The following SYBU variants were observed in gnomAD, a reference collection of about 807,000 sequenced individuals.
SYBU encodes syntabulin, also known as GOLSYN A protein.
In SYBU, 21 loss-of-function variants were observed where a neutral mutation model predicts 35.9. That is an observed-to-expected ratio of 0.58 (90% CI 0.41 to 0.84). The LOEUF is 0.84. Ranked by LOEUF, SYBU falls within the 40% of genes least tolerant of loss-of-function variation. SYBU has a pLI of 0.00. For missense variants in SYBU, 768 were observed against 848.2 expected (o/e 0.91, Z 1.17); for synonymous variants, 319 against 324.3 (o/e 0.98, Z 0.18).
upstream of SYBU, among the ~76,000 whole-genome samples, chr8:109,683,987 A>G (rs761525413): frequency 6.6e-6 from 1 of 152,146 alleles, no homozygotes; most frequent in African/African-American, 2.4e-5. Flanking sequence ...GCCATGTGTA[A>G]CTGTGAGTCA....
chr8:109,623,976 A>G (rs748736544), intron 2 of SYBU, among the ~76,000 whole-genome samples: 8 of 152,214 alleles, frequency 5.3e-5, no homozygotes, highest in African/African-American at 1.7e-4. Flanking sequence ...CAAATTTTCA[A>G]CATATATTTT....
chr8:109,661,036 G>T (rs1202150666), intron 1 of SYBU, among the ~76,000 whole-genome samples: 1 of 152,170 alleles, frequency 6.6e-6, no homozygotes, highest in East Asian at 1.9e-4. Context: ...AAACTAAAAT[G>T]ATCAAAAAGA....
At chr8:109,616,051 A>ACCC (rs1406117151) in intron 3 of SYBU, among the ~76,000 whole-genome samples, 2 of 95,704 alleles carry the variant, frequency 2.1e-5, no homozygotes, top group Non-Finnish European at 3.6e-5. Flanking sequence ...TCGCTCTGTC[A>ACCC]CCCAGGCTGG....
At chr8:109,618,569 A>G (rs1447007239) in intron 3 of SYBU, among the ~76,000 whole-genome samples, 1 of 152,236 alleles carries the variant, frequency 6.6e-6, no homozygotes, top group Non-Finnish European at 1.5e-5. Context: ...TTGTTAAAAC[A>G]TCTGGCTTAT....
chr8:109,623,859 T>TAA (rs750033281), intron 2 of SYBU, among the ~76,000 whole-genome samples: 63 of 152,230 alleles, frequency 4.1e-4, no homozygotes, highest in South Asian at 1.0e-3. Flanking sequence ...CAGAAGAGTA[T>TAA]AAAGAAGTAA....
chr8:109,674,613 A>C (rs1314291342), intron 1 of SYBU, among the ~76,000 whole-genome samples: 2 of 152,170 alleles, frequency 1.3e-5, no homozygotes, highest in East Asian at 3.8e-4. Flanking sequence ...CACTGTGAAG[A>C]AACTGCATCA....
At chr8:109,607,853 C>CACACACACACAG (rs1374565606) in intron 3 of SYBU, 2 of 923,974 alleles carry the variant, frequency 2.2e-6, no homozygotes, top group East Asian at 5.3e-5. Context: ...CACACACACA[C>CACACACACACAG]AGTCTAGCCT....
chr8:109,608,083 G>T, intron 3 of SYBU: 2 of 765,852 alleles, frequency 2.6e-6, no homozygotes, highest in Non-Finnish European at 4.0e-6. Flanking sequence ...CATGTGCAGG[G>T]CAAGGAAGTT....
chr8:109,644,032 G>A (rs1189805646), intron 1 of SYBU: 1 of 453,576 alleles, frequency 2.2e-6, no homozygotes, highest in Non-Finnish European at 4.4e-6. Flanking sequence ...ATGACCTACT[G>A]TTCCTTCCAC....
chr8:109,677,386 A>T (rs1405751486), intron 1 of SYBU, among the ~76,000 whole-genome samples: 1 of 152,148 alleles, frequency 6.6e-6, no homozygotes, highest in Admixed American at 6.5e-5. Context: ...TAAACTTCAC[A>T]TTTTCTGCAT....
chr8:109,612,751 G>A (rs1038072199), intron 3 of SYBU, among the ~76,000 whole-genome samples: 8 of 152,126 alleles, frequency 5.3e-5, no homozygotes, highest in South Asian at 2.1e-4. Context: ...AGGCCAAGGC[G>A]GGCAGATCAC....
rs33965004 is a variant in SYBU, at chr8:109,622,181, GTATCTATCTATCTATCTATC to G, written c.230-3162_230-3143del. On this transcript the variant is annotated intron_variant, in intron 2 of 6. Transcript: ENST00000276646. ...TTCATTAAACAATAAAATAATATGA[GTATCTATCTATCTATCTATC>G]TATCTATCTATCTATCTATCTATCA... Among the ~76,000 whole-genome samples the G allele has an allele frequency of 6.8e-3, 991 of 146,462 alleles. 11 individuals are homozygous for G. The highest frequency in any genetic ancestry group is 0.024 in the African/African-American group (943 of 39,628).
intron 3 of SYBU, among the ~76,000 whole-genome samples, chr8:109,602,595 G>A (rs1024076233): frequency 3.3e-5 from 5 of 151,804 alleles, no homozygotes; most frequent in African/African-American, 7.3e-5. Flanking sequence ...CACCACACCC[G>A]GTTAATTTTT....
chr8:109,679,279 T>C (rs1470488972), intron 1 of SYBU, among the ~76,000 whole-genome samples: 2 of 152,204 alleles, frequency 1.3e-5, no homozygotes, highest in African/African-American at 4.8e-5. Context: ...ATGAATAATC[T>C]ACCCCTTGTT....
chr8:109,579,271 A>G (rs916647996), intron 5 of SYBU, among the ~76,000 whole-genome samples: 1 of 152,082 alleles, frequency 6.6e-6, no homozygotes, highest in African/African-American at 2.4e-5. Context: ...ACAATCTCAT[A>G]TGAATTAACT....
chr8:109,596,460 T>C (rs1375422961), intron 3 of SYBU, among the ~76,000 whole-genome samples: 2 of 152,238 alleles, frequency 1.3e-5, no homozygotes, highest in Admixed American at 1.3e-4. Context: ...ATTTATGTGG[T>C]CTTCCTTTAT....
At chr8:109,662,506 A>AC (rs1267158924) in intron 1 of SYBU, among the ~76,000 whole-genome samples, 12 of 152,080 alleles carry the variant, frequency 7.9e-5, no homozygotes, top group Non-Finnish European at 1.5e-5. Context: ...CAGGGCCACC[A>AC]CCCACTCATC....
At chr8:109,681,257 T>C (rs74820369), upstream of SYBU, among the ~76,000 whole-genome samples, 17 of 152,248 alleles carry the variant, frequency 1.1e-4, no homozygotes, top group East Asian at 3.1e-3. Context: ...TTAATGTACA[T>C]AAAAGCAGTT....
intron 1 of SYBU, among the ~76,000 whole-genome samples, chr8:109,689,965 T>G (rs1448585658): frequency 6.6e-6 from 1 of 152,152 alleles, no homozygotes; most frequent in Non-Finnish European, 1.5e-5. Flanking sequence ...TGGACCCATT[T>G]TTTGTTTTTT....
Sources: allele counts gnomAD v4.1 joint callset (sites outside exome capture counted in the v4.1 genomes callset), GRCh38; gene constraint gnomAD v4.1.1; transcripts MANE v1.5; gene names NCBI Gene and HGNC (gene_info 2026-07-23, HGNC 2026-07-21).